IFNGR1: variants seen among roughly 807,000 people sequenced by gnomAD.
IFNGR1 encodes interferon gamma receptor 1.
In IFNGR1, 23 loss-of-function variants were observed where a neutral mutation model predicts 35.4. That is an observed-to-expected ratio of 0.65 (90% CI 0.47 to 0.92). The LOEUF (loss-of-function observed/expected upper bound fraction) is 0.92, where lower values mean the gene tolerates loss of function less well. Among genes scored for constraint, IFNGR1 ranks in the 40% least tolerant of loss-of-function variants. IFNGR1 has a pLI of 0.00. For missense variants in IFNGR1, 533 were observed against 583.4 expected (o/e 0.91, Z 0.89); for synonymous variants, 199 against 209.5 (o/e 0.95, Z 0.43).
intron 1 of IFNGR1, among the ~76,000 whole-genome samples, chr6:137,208,485 C>G (rs533070111): frequency 5.3e-5 from 8 of 152,206 alleles, no homozygotes; most frequent in Non-Finnish European, 2.9e-5. Flanking sequence ...CCAGGGTCCC[C>G]GTGCTGTGTG....
rs1464352795 is a variant in IFNGR1, at chr6:137,199,355, TTATAA to T, written c.862-721_862-717del. On this transcript the variant is annotated intron_variant, in intron 6 of 6. Coordinates refer to ENST00000367739, the MANE Select transcript of IFNGR1 (RefSeq NM_000416.3). ...TAATATATAATATATAATTTATAAT[TTATAA>T]TATATTATATAAAATATAATTTATA... Among the ~76,000 whole-genome samples the T allele has an allele frequency of 7.8e-3, 1,010 of 130,184 alleles. 11 individuals carry two copies. Among genetic ancestry groups the T allele is most frequent in the African/African-American group, 0.028 (967 of 34,968 alleles). The allele number at this position is 130,184 out of a possible 152,430, so 85.4% of individuals were successfully genotyped here.
At position 137,219,238 on chromosome 6, in the gene IFNGR1, G is replaced by C. The variant is rs371150014; in HGVS notation, c.85+5C>G. The C allele has an allele frequency of 2.1e-5, 33 of 1,607,710 alleles. No individual in the cohort carries two copies. In the Admixed American group the frequency reaches 5.2e-4, roughly 26 times the overall value. On this transcript the variant is annotated splice_donor_5th_base_variant and intron_variant, in intron 1 of 6. Transcript: ENST00000367739. ...CGGCCGCAGCCCTGCCGCGAACGAC[G>C]GTACCTGAGGACGGCCCCAGATCCG...
In IFNGR1 at chr6:137,199,528, A is replaced by AT. The variant is rs1779209546; in HGVS notation, c.862-890_862-889insA. 1.1e-4 allele frequency among the ~76,000 whole-genome samples: 4 copies of AT among 36,898 alleles called. 1 individual carries two copies. Among genetic ancestry groups the AT allele is most frequent in the Non-Finnish European group, 2.0e-4 (4 of 20,512 alleles). The allele number at this position is 36,898 out of a possible 152,430, so 24.2% of individuals were successfully genotyped here. On this transcript the variant is annotated intron_variant, in intron 6 of 6. Coordinates refer to ENST00000367739, the MANE Select transcript of IFNGR1 (RefSeq NM_000416.3). ...ATATAATTTATAATATATTATATAT[A>AT]ATATATAATATATATTATATAACAT...
intron 1 of IFNGR1, among the ~76,000 whole-genome samples, chr6:137,212,145 C>T (rs1174078511): frequency 6.6e-6 from 1 of 152,208 alleles, no homozygotes; most frequent in Non-Finnish European, 1.5e-5. Context: ...CAGACATTCT[C>T]TACTTTTGGT....
rs777965499 is a variant in IFNGR1, at chr6:137,207,030, T to C, written c.133A>G (p.Ile45Val). Residue 45 changes from isoleucine (I) to valine (V), a missense_variant, in exon 2 of 7, where the codon ATC becomes GTC. Transcript: ENST00000367739. ...ATGATCTGGTACTCCCAATATACGA[T>C]AGGGTTCATGTTATAGGATTCAATT... ...VTIESYNMNP[I>V]VYWEYQIMPQ... The C allele has an allele frequency of 1.4e-5, 22 of 1,613,834 alleles. No individual in the cohort carries two copies. Among genetic ancestry groups the C allele is most frequent in the Middle Eastern group, 3.3e-4 (2 of 6,080 alleles).
At chr6:137,203,430 C>G (rs948472968) in intron 5 of IFNGR1, 69 bp downstream of exon 5, 20 of 834,650 alleles carry the variant, frequency 2.4e-5, no homozygotes, top group Non-Finnish European at 3.8e-5. Context: ...AATGAGTTTG[C>G]TTTCCTCACA....
Position 137,205,164 on chromosome 6 carries a change from T to C in IFNGR1, c.374-660A>G, listed in dbSNP as rs141458205. ...TAACATGCAGATGGTGTGGTAATCA[T>C]ATGACAAAATTGTGGACTCTGGGGA... On this transcript the variant is annotated intron_variant, in intron 3 of 6. Coordinates refer to ENST00000367739, the MANE Select transcript of IFNGR1 (RefSeq NM_000416.3). Among the ~76,000 whole-genome samples the C allele has an allele frequency of 8.0e-3, 1,216 of 152,254 alleles. 14 individuals are homozygous for C. Among genetic ancestry groups the C allele is most frequent in the African/African-American group, 0.028 (1,172 of 41,542 alleles).
intron 1 of IFNGR1, 123 bp downstream of exon 1, chr6:137,219,120 C>A (rs1779782063): frequency 7.6e-7 from 1 of 1,312,044 alleles, no homozygotes; most frequent in Admixed American, 2.0e-5. Flanking sequence ...CCGCTCAGGG[C>A]CCGACGCAGG....
At chr6:137,199,387 T>G (rs1779187281) in intron 6 of IFNGR1, among the ~76,000 whole-genome samples, 1 of 127,392 alleles carries the variant, frequency 7.8e-6, no homozygotes, top group Non-Finnish European at 1.6e-5. Flanking sequence ...TAATTTATAT[T>G]ACATAAAATA....
In IFNGR1 at chr6:137,197,989, C is replaced by T. The variant is rs748472594; in HGVS notation, c.*42G>A. The T allele has an allele frequency of 1.2e-6, 2 of 1,612,524 alleles. No individual in the cohort carries two copies. Among genetic ancestry groups the T allele is most frequent in the East Asian group, 4.5e-5 (2 of 44,868 alleles). On this transcript the variant is annotated 3_prime_UTR_variant, in exon 7 of 7. Coordinates refer to ENST00000367739, the MANE Select transcript of IFNGR1 (RefSeq NM_000416.3). The stretch of plus-strand genomic sequence containing the variant: ...TCATGAAATTAAAGCAGAAAACTGT[C>T]CAGGAAAATCAGACTTCAAAGTTGG...
chr6:137,217,902 C>T (rs1779745476), intron 1 of IFNGR1, among the ~76,000 whole-genome samples: 1 of 152,206 alleles, frequency 6.6e-6, no homozygotes, highest in Non-Finnish European at 1.5e-5. Context: ...CACCTCTGCA[C>T]CTCAGTCTCT....
intron 3 of IFNGR1, among the ~76,000 whole-genome samples, chr6:137,205,799 G>C (rs56173501): frequency 1.3e-5 from 2 of 152,128 alleles, no homozygotes; most frequent in African/African-American, 2.4e-5. Flanking sequence ...TATCCAAAAC[G>C]CTTGAGATCA....
chr6:137,203,732 T>TG, intron 4 of IFNGR1, 47 bp from the exon 5 acceptor site: 3 of 1,381,190 alleles, frequency 2.2e-6, no homozygotes, highest in South Asian at 1.4e-5. Context: ...TCTTTTAATC[T>TG]GAAAAAAAAA....
intron 1 of IFNGR1, among the ~76,000 whole-genome samples, chr6:137,215,725 C>T (rs928909386): frequency 4.6e-5 from 7 of 152,088 alleles, no homozygotes; most frequent in Admixed American, 4.6e-4. Context: ...CACACACAAA[C>T]ACGAGAGACA....
Position 137,199,464 on chromosome 6 carries a change from T to A in IFNGR1, c.862-825A>T, listed in dbSNP as rs28685735. The stretch of plus-strand genomic sequence containing the variant: ...TAATATATAAAATATATAACTTATA[T>A]TATATAAAATATATAATTTATAATA... On this transcript the variant is annotated intron_variant, in intron 6 of 6. Coordinates refer to ENST00000367739, the MANE Select transcript of IFNGR1 (RefSeq NM_000416.3). Among the ~76,000 whole-genome samples, 576 of 79,714 alleles carry A rather than the reference T, an allele frequency of 7.2e-3. 11 individuals are homozygous for A. Among genetic ancestry groups the A allele is most frequent in the African/African-American group, 0.026 (541 of 21,082 alleles). The allele number at this position is 79,714 out of a possible 152,430, so 52.3% of individuals were successfully genotyped here.
intron 6 of IFNGR1, among the ~76,000 whole-genome samples, chr6:137,199,543 T>TATATTATATATAATAA (rs1582629933): frequency 8.4e-5 from 1 of 11,946 alleles, no homozygotes; most frequent in African/African-American, 3.4e-4. Flanking sequence ...ATAATATATA[T>TATATTATATATAATAA]TATATAACAT....
rs1779662355 is a variant in IFNGR1 at position 137,215,221 on chromosome 6, C to T, written c.85+4022G>A. On this transcript the variant is annotated intron_variant, in intron 1 of 6. Transcript: ENST00000367739. ...TTGTTGGTTTTCATTAAGAAAAATG[C>T]TTCCAACATCTTTGTGATCGTTTAA... The T allele has an allele frequency of 4.6e-6, 7 of 1,530,120 alleles. No homozygotes were observed. In the East Asian group the frequency reaches 1.5e-4, roughly 32 times the overall value. 94.8% of individuals were successfully genotyped at this position (1,530,120 alleles called of 1,614,324 possible). A position where few individuals can be genotyped will look rare whatever the true frequency, so the allele number is the denominator to read the frequency against.
At chr6:137,217,698 C>T (rs1294759305) in intron 1 of IFNGR1, among the ~76,000 whole-genome samples, 3 of 152,156 alleles carry the variant, frequency 2.0e-5, no homozygotes, top group African/African-American at 7.2e-5. Flanking sequence ...TTCTGTTTAA[C>T]TCTGGTTTTT....
Position 137,204,413 on chromosome 6 carries a change from G to A in IFNGR1, c.465C>T (p.Asp155=), listed in dbSNP as rs145351427. 4.8e-5 allele frequency: 78 copies of A among 1,613,340 alleles called. No homozygotes were observed. The African/African-American group carries it at 8.3e-4, about 17-fold the overall frequency. Residue 155 remains aspartate, a synonymous_variant, in exon 4 of 7, where the codon GAC becomes GAT. Transcript: ENST00000367739. Reference sequence around the variant, plus strand: ...CGGGATCATAATCGACTTCCTGCTCGTCTCCATTTACAAAAACTGAAGGGT... The same window carrying A: ...CGGGATCATAATCGACTTCCTGCTCATCTCCATTTACAAAAACTGAAGGGT... ...IFHPSVFVNG[D]EQEVDYDPET... is the part of the protein sequence containing the mutation.
Sources: gnomAD v4.1 joint callset for allele counts (sites outside exome capture counted in the v4.1 genomes callset) on GRCh38, gnomAD v4.1.1 for gene constraint, MANE v1.5 for transcripts, NCBI Gene and HGNC (gene_info 2026-07-23, HGNC 2026-07-21) for gene names.